Variants in SORBS2 observed in about 807,000 individuals in gnomAD.
SORBS2 encodes the protein sorbin and SH3 domain containing 2.
Under a neutral mutation model 97.7 loss-of-function variants are expected in SORBS2, and 46 were observed. That is an observed-to-expected ratio of 0.47 (90% CI 0.37 to 0.60). The LOEUF (loss-of-function observed/expected upper bound fraction) is 0.60, where lower values mean the gene tolerates loss of function less well. Among genes scored for constraint, SORBS2 ranks in the 20% least tolerant of loss-of-function variants. The pLI, the probability that SORBS2 is intolerant of heterozygous loss-of-function variation, is 0.00. For synonymous variants in SORBS2, 476 were observed against 473.4 expected (o/e 1.01, Z -0.07); for missense variants, 1,316 against 1,282.3 (o/e 1.03, Z -0.40).
intron 1 of SORBS2, among the ~76,000 whole-genome samples, chr4:185,879,262 A>G (rs2149771138): frequency 6.7e-6 from 1 of 148,346 alleles, no homozygotes; most frequent in Non-Finnish European, 1.5e-5. Flanking sequence ...GAGTGAGAAC[A>G]TGCGGTGTTT....
intron 2 of SORBS2, among the ~76,000 whole-genome samples, chr4:185,715,823 T>C (rs768223939): frequency 3.3e-5 from 5 of 152,218 alleles, no homozygotes; most frequent in Non-Finnish European, 7.3e-5. Flanking sequence ...AACTACTAAA[T>C]GCTCAATAGA....
intron 1 of SORBS2, among the ~76,000 whole-genome samples, chr4:185,815,590 A>C (rs1343459553): frequency 6.6e-6 from 1 of 152,180 alleles, no homozygotes; most frequent in Non-Finnish European, 1.5e-5. Context: ...TTTCAAACAA[A>C]TATATTATCA....
intron 2 of SORBS2, among the ~76,000 whole-genome samples, chr4:185,739,289 C>T (rs1225754004): frequency 6.6e-6 from 1 of 152,090 alleles, no homozygotes; most frequent in African/African-American, 2.4e-5. Flanking sequence ...AAAACACAGG[C>T]TTGAAAAAGC....
At chr4:185,688,508 A>T (rs1475966909) in intron 2 of SORBS2, among the ~76,000 whole-genome samples, 1 of 121,202 alleles carries the variant, frequency 8.3e-6, no homozygotes, top group Non-Finnish European at 1.8e-5. Context: ...ATAGATAAAT[A>T]GATAGATAGA....
rs147008249 is a variant in SORBS2, at chr4:185,716,335, C to T, written c.-197-37513G>A. ...CCTCTCTCTGAACCTGCCCACATTT[C>T]CTCCTCTAGAAACAGGGATAACAAC... is the stretch of plus-strand genomic sequence containing the variant. On this transcript the variant is annotated intron_variant, in intron 2 of 20. Transcript: ENST00000284776. 3.5e-3 allele frequency among the ~76,000 whole-genome samples: 531 copies of T among 152,338 alleles called. 2 individuals carry two copies. The highest frequency in any genetic ancestry group is 0.012 in the African/African-American group (506 of 41,578).
chr4:185,809,755 G>A (rs2099171326), intron 1 of SORBS2, among the ~76,000 whole-genome samples: 1 of 152,186 alleles, frequency 6.6e-6, no homozygotes, highest in South Asian at 2.1e-4. Context: ...CAGGTATAAA[G>A]TGTGTGCCAT....
At chr4:185,765,873 C>A (rs955820039) in intron 2 of SORBS2, among the ~76,000 whole-genome samples, 1 of 152,032 alleles carries the variant, frequency 6.6e-6, no homozygotes, top group South Asian at 2.1e-4. Context: ...CCATCATAAG[C>A]CAGTCTTCTA....
rs985517849 is a variant in SORBS2, at chr4:185,606,244, T to C, written c.2796+5536A>G. 3.0e-6 allele frequency: 3 copies of C among 985,026 alleles called. No individual in the cohort carries two copies. In the African/African-American group the frequency reaches 5.2e-5, roughly 17 times the overall value. 61.0% of individuals were successfully genotyped at this position (985,026 alleles called of 1,614,324 possible). On this transcript the variant is annotated intron_variant, in intron 12 of 14. Transcript: ENST00000418609. The surrounding 1 kb of genome is among the most constrained non-coding windows in gnomAD (Gnocchi z 4.3). ...GGTTTTGACGATTAAAGATGTGGAG[T>C]TTTTAGAATAGTGTCTGATACTCAG...
chr4:185,698,102 T>C (rs1362359859), intron 2 of SORBS2, among the ~76,000 whole-genome samples: 1 of 152,180 alleles, frequency 6.6e-6, no homozygotes, highest in East Asian at 1.9e-4. Context: ...CCCAAGCAGA[T>C]ACTCAAAAGT....
At chr4:185,795,562 G>A (rs1429995163) in intron 1 of SORBS2, among the ~76,000 whole-genome samples, 1 of 151,700 alleles carries the variant, frequency 6.6e-6, no homozygotes, top group African/African-American at 2.4e-5. Flanking sequence ...CACACAAGAT[G>A]CGAAAAAAAA....
intron 1 of SORBS2, among the ~76,000 whole-genome samples, chr4:185,942,379 C>T (rs1368099142): frequency 2.7e-5 from 4 of 150,076 alleles, no homozygotes; most frequent in Non-Finnish European, 3.0e-5. Context: ...GAGTTGGAAC[C>T]TCACTTTGTC....
chr4:185,895,476 C>T (rs73019898), intron 1 of SORBS2, among the ~76,000 whole-genome samples: 4,190 of 152,306 alleles, frequency 0.028, 139 homozygotes, highest in South Asian at 0.081. Context: ...GTGGCAGCGG[C>T]GTGAGCATCC....
intron 2 of SORBS2, among the ~76,000 whole-genome samples, chr4:185,707,161 C>T (rs1051610794): frequency 2.0e-5 from 3 of 152,176 alleles, no homozygotes; most frequent in African/African-American, 4.8e-5. Context: ...TATTAATTGA[C>T]CTGAGGCCTC....
chr4:185,944,176 G>A (rs999886468), intron 1 of SORBS2, among the ~76,000 whole-genome samples: 1 of 152,148 alleles, frequency 6.6e-6, no homozygotes, highest in Non-Finnish European at 1.5e-5. Flanking sequence ...AAAGCCAAAC[G>A]CTTATATAGC....
intron 2 of SORBS2, among the ~76,000 whole-genome samples, chr4:185,755,690 C>T (rs2098826706): frequency 6.6e-6 from 1 of 152,312 alleles, no homozygotes; most frequent in Middle Eastern, 3.4e-3. Flanking sequence ...TTAACTCAGA[C>T]CACAAAGGCT....
chr4:185,919,769 T>C (rs1409210348), intron 1 of SORBS2, among the ~76,000 whole-genome samples: 1 of 152,256 alleles, frequency 6.6e-6, no homozygotes, highest in African/African-American at 2.4e-5. Context: ...CAGTAATCTC[T>C]TATCTTCTCT....
chr4:185,868,159 C>CTTTTTTTT lies in SORBS2; in HGVS notation c.-338+88029_-338+88036dup, dbSNP rs112680775. 2.4e-4 allele frequency among the ~76,000 whole-genome samples: 25 copies of CTTTTTTTT among 105,212 alleles called. 1 individual carries two copies. Among genetic ancestry groups the CTTTTTTTT allele is most frequent in the Middle Eastern group, 6.0e-3 (1 of 166 alleles). The allele number at this position is 105,212 out of a possible 152,430, so 69.0% of individuals were successfully genotyped here. A position where few individuals can be genotyped will look rare whatever the true frequency, so the allele number is the denominator to read the frequency against. ...TCTCTTTTCTTTTCTTTTTTTCTTT[C>CTTTTTTTT]TTTTTTTTTTTTTTTGAGGCAGAGT... On this transcript the variant is annotated intron_variant, in intron 1 of 20. Transcript: ENST00000284776.
intron 2 of SORBS2, among the ~76,000 whole-genome samples, chr4:185,696,237 A>G (rs2098173582): frequency 6.6e-6 from 1 of 152,220 alleles, no homozygotes; most frequent in Non-Finnish European, 1.5e-5. Context: ...AAAGAGCACT[A>G]TATGTCTTCC....
In SORBS2 at chr4:185,649,715, GAATTA is replaced by G. The variant is rs556215326; in HGVS notation, c.92-64_92-60del. The stretch of plus-strand genomic sequence containing the variant: ...CAGAAGCAAATCACCTCTTAAAAAT[GAATTA>G]AATTATTTGTCCCCCTCAAAATAGC... On this transcript the variant is annotated intron_variant, in intron 2 of 14. Transcript: ENST00000418609. 2,052 of 1,133,748 alleles carry G rather than the reference GAATTA, an allele frequency of 1.8e-3. 11 individuals are homozygous for G. Among genetic ancestry groups the G allele is most frequent in the South Asian group, 0.016 (481 of 30,256 alleles). 70.2% of individuals were successfully genotyped at this position (1,133,748 alleles called of 1,614,324 possible).
Sources: allele counts gnomAD v4.1 joint callset (sites outside exome capture counted in the v4.1 genomes callset), GRCh38; gene constraint gnomAD v4.1.1; non-coding constraint Gnocchi (gnomAD v3.1); transcripts MANE v1.5; gene names NCBI Gene and HGNC (gene_info 2026-07-23, HGNC 2026-07-21).